The following FBLN1 variants were observed in gnomAD, a reference collection of about 807,000 sequenced individuals.
FBLN1 encodes fibulin-1.
A neutral mutation model predicts 89.7 loss-of-function variants in FBLN1; 34 were observed. The observed-to-expected ratio is 0.38, with a 90% CI of 0.29 to 0.50. The LOEUF is 0.50. Ranked by LOEUF, FBLN1 falls within the 20% of genes least tolerant of loss-of-function variation. FBLN1 has a pLI of 0.92. For synonymous variants in FBLN1, 393 were observed against 391.3 expected, an observed-to-expected ratio of 1.00 and a Z score of -0.05; for missense variants, 777 against 988.1, an observed-to-expected ratio of 0.79 and a Z score of 2.86.
intron 16 of FBLN1, among the ~76,000 whole-genome samples, chr22:45,599,873 C>T (rs1601551717): frequency 1.3e-5 from 2 of 152,188 alleles, no homozygotes; most frequent in South Asian, 2.1e-4. Flanking sequence ...GCCGAGATCA[C>T]GCCATTGCAC....
chr22:45,524,760 C>T (rs2146958353), intron 2 of FBLN1, among the ~76,000 whole-genome samples: 1 of 152,282 alleles, frequency 6.6e-6, no homozygotes, highest in South Asian at 2.1e-4. Flanking sequence ...GCTCTGACTC[C>T]AGACACCATA....
At chr22:45,518,589 A>G in intron 1 of FBLN1, 93 bp from the exon 2 acceptor site, 1 of 916,126 alleles carries the variant, frequency 1.1e-6, no homozygotes, top group East Asian at 2.6e-5. Context: ...TCGTCAAGAC[A>G]GAAGGACGTG....
chr22:45,532,718 C>T lies in FBLN1; in HGVS notation c.545-345C>T, dbSNP rs999346899. On this transcript the variant is annotated intron_variant, in intron 5 of 16. Coordinates refer to ENST00000327858, the MANE Select transcript of FBLN1 (RefSeq NM_006486.3). This position sits in a 1 kb window ranked among gnomAD's most constrained non-coding sequence, Gnocchi z 4.2. ...GCAGGTACATGAGGCCTAGTTGGGG[C>T]CTGGCCTTCCACGTGGAGCCCACAC... Among the ~76,000 whole-genome samples the T allele has an allele frequency of 8.5e-5, 13 of 152,132 alleles. No homozygotes were observed. The South Asian group carries it at 2.3e-3, about 27-fold the overall frequency.
At position 45,550,520 on chromosome 22, in the gene FBLN1, C is replaced by A. The variant is rs1250877517; in HGVS notation, c.1602C>A (p.His534Gln). Residue 534 changes from histidine to glutamine, a missense_variant, in exon 14 of 17, where the codon CAC becomes CAA. Physicochemically the swap from His to Gln is conservative, Grantham distance 24. Coordinates refer to ENST00000327858, the MANE Select transcript of FBLN1 (RefSeq NM_006486.3). The surrounding 1 kb of genome is among the most constrained non-coding windows in gnomAD (Gnocchi z 8.4). ...TTGATGAGTGTGTGACTGGCATCCA[C>A]AACTGCTCCATCAACGAGACCTGCT... The part of the protein sequence containing the change: ...QDIDECVTGI[H>Q]NCSINETCFN... The A allele has an allele frequency of 6.2e-7, 1 of 1,614,138 alleles. No homozygotes were observed. The highest frequency in any genetic ancestry group is 1.7e-5 in the Admixed American group (1 of 60,032).
At chr22:45,522,042 A>G (rs1265597975) in intron 2 of FBLN1, among the ~76,000 whole-genome samples, 1 of 151,718 alleles carries the variant, frequency 6.6e-6, no homozygotes, top group Non-Finnish European at 1.5e-5. Flanking sequence ...CTGGAGTGCA[A>G]TGGCGCAATC....
intron 14 of FBLN1, among the ~76,000 whole-genome samples, chr22:45,559,687 G>A (rs2088829169): frequency 6.6e-6 from 1 of 152,174 alleles, no homozygotes; most frequent in East Asian, 1.9e-4. Flanking sequence ...CTATTTAACT[G>A]GAGGGCCACA....
chr22:45,513,659 G>A (rs2088131930), intron 1 of FBLN1, among the ~76,000 whole-genome samples: 1 of 152,028 alleles, frequency 6.6e-6, no homozygotes, highest in African/African-American at 2.4e-5. Flanking sequence ...GAAGCCTGTG[G>A]CACCCACCCA....
chr22:45,555,875 A>G (rs1286616623), intron 14 of FBLN1, among the ~76,000 whole-genome samples: 1 of 152,262 alleles, frequency 6.6e-6, no homozygotes, highest in African/African-American at 2.4e-5. Context: ...AAAGTTAACG[A>G]TACTTAAATG....
chr22:45,548,567 G>A (rs762365192), intron 12 of FBLN1, 46 bp from the exon 13 acceptor site: 3 of 1,611,634 alleles, frequency 1.9e-6, no homozygotes, highest in Non-Finnish European at 2.5e-6. Flanking sequence ...AGCAGCCATG[G>A]CCAGGTGCCA....
In FBLN1 at chr22:45,597,589, G is replaced by A. The variant is rs1209455285; in HGVS notation, c.1973-2718G>A. On this transcript the variant is annotated intron_variant, in intron 16 of 16. Coordinates refer to ENST00000327858, the MANE Select transcript of FBLN1 (RefSeq NM_006486.3). The surrounding 1 kb of genome is among the most constrained non-coding windows in gnomAD (Gnocchi z 4.2). ...CTGTAAGCCCACACTGACCCTGGTG[G>A]GCAGACCCAGCCCAGGGAGGGGCAG... Among the ~76,000 whole-genome samples, 1 of 152,160 alleles carries A rather than the reference G, an allele frequency of 6.6e-6. No individual in the cohort carries two copies. Among genetic ancestry groups the A allele is most frequent in the Non-Finnish European group, 1.5e-5 (1 of 68,034 alleles).
At chr22:45,533,668 A>G (rs1459919006) in intron 6 of FBLN1, 93 bp from the exon 7 acceptor site, 3 of 1,465,036 alleles carry the variant, frequency 2.0e-6, no homozygotes, top group African/African-American at 1.4e-5. Context: ...GCAGGGAAGC[A>G]CTTCCACCGT....
chr22:45,527,604 G>A (rs2146962153), intron 3 of FBLN1, among the ~76,000 whole-genome samples: 1 of 152,256 alleles, frequency 6.6e-6, no homozygotes, highest in African/African-American at 2.4e-5. Context: ...GGGGAGGGGA[G>A]GTGGATGCCA....
At chr22:45,538,658 G>A (rs922543465) in intron 8 of FBLN1, among the ~76,000 whole-genome samples, 4 of 152,172 alleles carry the variant, frequency 2.6e-5, no homozygotes, top group African/African-American at 9.7e-5. Flanking sequence ...GGCTGAAAAG[G>A]TTCTATGTCA....
intron 10 of FBLN1, among the ~76,000 whole-genome samples, chr22:45,543,140 G>A (rs560417388): frequency 3.0e-4 from 45 of 152,328 alleles, no homozygotes; most frequent in African/African-American, 9.9e-4. Context: ...GGTGGCACAT[G>A]CCTGTAATCC....
intron 7 of FBLN1, among the ~76,000 whole-genome samples, 165 bp downstream of exon 7, chr22:45,534,063 G>T (rs557946474): frequency 3.7e-4 from 57 of 152,336 alleles, no homozygotes; most frequent in Non-Finnish European, 6.6e-4. Flanking sequence ...ACCCACCAGG[G>T]TGTCTGGACA....
intron 11 of FBLN1, among the ~76,000 whole-genome samples, chr22:45,544,781 C>T (rs2088604832): frequency 6.6e-6 from 1 of 152,306 alleles, no homozygotes; most frequent in Admixed American, 6.5e-5. Context: ...TTCCTGCCAA[C>T]AGTCTTGTGG....
chr22:45,550,622 C>T lies in FBLN1; in HGVS notation c.1697+7C>T, dbSNP rs780334369. The T allele has an allele frequency of 1.2e-6, 2 of 1,614,066 alleles. No homozygotes were observed. Among genetic ancestry groups the T allele is most frequent in the Admixed American group, 3.3e-5 (2 of 60,032 alleles). On this transcript the variant is annotated splice_region_variant and intron_variant, in intron 14 of 16. Coordinates refer to ENST00000327858, the MANE Select transcript of FBLN1 (RefSeq NM_006486.3). This position sits in a 1 kb window ranked among gnomAD's most constrained non-coding sequence, Gnocchi z 8.4. ...ACCGCCGCTCCGCAGCCACGTAAGTCCCTTGGACCATGCCATCGTCGTCTG... is the reference window on the plus strand; with the variant it reads ...ACCGCCGCTCCGCAGCCACGTAAGTTCCTTGGACCATGCCATCGTCGTCTG...
chr22:45,514,725 G>A (rs891104851), intron 1 of FBLN1, among the ~76,000 whole-genome samples: 12 of 152,180 alleles, frequency 7.9e-5, no homozygotes, highest in African/African-American at 2.7e-4. Flanking sequence ...TTACTGAGCC[G>A]TGACGTTTGT....
rs136720 is a variant in FBLN1, at chr22:45,519,624, C to CAA, written c.185+853_185+854dup. On this transcript the variant is annotated intron_variant, in intron 2 of 16. Coordinates refer to ENST00000327858, the MANE Select transcript of FBLN1 (RefSeq NM_006486.3). ...GGGCAACAACAGCGAAACTCTAACT[C>CAA]AAAAAAAAAAAAAAAAAGGAATAAA... 2.8e-3 allele frequency among the ~76,000 whole-genome samples: 330 copies of CAA among 117,194 alleles called. 2 individuals are homozygous for CAA. Among genetic ancestry groups the CAA allele is most frequent in the East Asian group, 7.6e-3 (31 of 4,104 alleles). 76.9% of individuals were successfully genotyped at this position (117,194 alleles called of 152,430 possible).
Sources: allele counts gnomAD v4.1 joint callset (sites outside exome capture counted in the v4.1 genomes callset), GRCh38; gene constraint gnomAD v4.1.1; non-coding constraint Gnocchi (gnomAD v3.1); transcripts MANE v1.5; gene names NCBI Gene and HGNC (gene_info 2026-07-23, HGNC 2026-07-21).